The following ME3 variants were observed in gnomAD, a reference collection of about 807,000 sequenced individuals.
ME3 encodes malic enzyme 3.
A neutral mutation model predicts 68.9 loss-of-function variants in ME3; 48 were observed. The observed-to-expected ratio is 0.70, with a 90% CI of 0.55 to 0.89. The LOEUF is 0.89. Among genes scored for constraint, ME3 ranks in the 40% least tolerant of loss-of-function variants. The pLI is 0.00. For synonymous variants in ME3, 320 were observed against 318.8 expected, an observed-to-expected ratio of 1.00 and a Z score of -0.04; for missense variants, 675 against 797.4, an observed-to-expected ratio of 0.85 and a Z score of 1.85.
chr11:86,609,969 C>T (rs1303748962), intron 2 of ME3, among the ~76,000 whole-genome samples: 1 of 152,146 alleles, frequency 6.6e-6, no homozygotes, highest in Non-Finnish European at 1.5e-5. Flanking sequence ...ATTTGTTAAC[C>T]CATTTAGTCC....
intron 2 of ME3, among the ~76,000 whole-genome samples, chr11:86,636,127 G>T (rs1944318285): frequency 6.6e-6 from 1 of 152,172 alleles, no homozygotes; most frequent in Non-Finnish European, 1.5e-5. Flanking sequence ...GGGGTTGTAG[G>T]AATTGGAGGC....
At chr11:86,513,606 G>C (rs1217724483) in intron 4 of ME3, among the ~76,000 whole-genome samples, 2 of 152,194 alleles carry the variant, frequency 1.3e-5, no homozygotes, top group Non-Finnish European at 2.9e-5. Flanking sequence ...CAGACACCTA[G>C]AGGTGGGAAT....
rs746552624 is a variant in ME3, at chr11:86,450,330, GA to G, written c.987del (p.His330ThrfsTer23). 6.2e-7 allele frequency: 1 copy of G among 1,614,136 alleles called. No individual in the cohort carries two copies. Among genetic ancestry groups the G allele is most frequent in the East Asian group, 2.2e-5 (1 of 44,862 alleles). ...CCTGCACCTTGGAAAACAAACACGT[GA>G]TTGGAAAGCTTGTTCTTGGTGATTC... On this transcript the variant is annotated frameshift_variant, in exon 9 of 15. Coordinates refer to ENST00000543262, the Ensembl canonical transcript of ME3. LOFTEE classifies it high-confidence loss of function.
intron 2 of ME3, among the ~76,000 whole-genome samples, chr11:86,669,474 C>G (rs112568887): frequency 6.6e-6 from 1 of 152,072 alleles, no homozygotes; most frequent in African/African-American, 2.4e-5. Context: ...AAGAAACTTA[C>G]AATCATGGCG....
chr11:86,487,295 C>A, intron 7 of ME3, 42 bp downstream of exon 7: 1 of 1,545,796 alleles, frequency 6.5e-7, no homozygotes, highest in South Asian at 1.1e-5. Flanking sequence ...CACGGCATCT[C>A]TTAAAAGTCC....
chr11:86,508,684 G>A, intron 5 of ME3, 108 bp downstream of exon 5: 1 of 985,506 alleles, frequency 1.0e-6, no homozygotes, highest in Non-Finnish European at 1.6e-6. Flanking sequence ...GAGGTAGTAT[G>A]CTGCCTTCAG....
intron 2 of ME3, among the ~76,000 whole-genome samples, chr11:86,577,861 G>A (rs77381564): frequency 2.6e-5 from 4 of 152,322 alleles, no homozygotes; most frequent in African/African-American, 9.6e-5. Flanking sequence ...TTTATAGGAG[G>A]AAATATCTAG....
rs112767083 is a variant in ME3, at chr11:86,620,421, G to A, written c.183+51341C>T. On this transcript the variant is annotated intron_variant, in intron 2 of 14. Transcript: ENST00000543262. ...AAGACATCAGTGATCACTGCTAGCT[G>A]TTGTCACATTGCCTCCTTTTAGGGT... 5.3e-3 allele frequency among the ~76,000 whole-genome samples: 807 copies of A among 152,300 alleles called. 3 individuals carry two copies. Among genetic ancestry groups the A allele is most frequent in the African/African-American group, 0.018 (753 of 41,556 alleles).
chr11:86,459,859 A>G (rs570974194), intron 8 of ME3, among the ~76,000 whole-genome samples: 1 of 152,318 alleles, frequency 6.6e-6, no homozygotes, highest in East Asian at 1.9e-4. Flanking sequence ...GGATTGGTGG[A>G]CAATGCAGGT....
intron 1 of ME3, 122 bp from the exon 2 acceptor site, chr11:86,672,080 G>A: frequency 3.7e-6 from 3 of 815,270 alleles, no homozygotes; most frequent in Non-Finnish European, 5.1e-6. Flanking sequence ...TGCTCCCAAA[G>A]GGTTAAATGT....
In ME3 at chr11:86,459,916, A is replaced by G. The variant is rs530030442; in HGVS notation, c.919+5175T>C. Among the ~76,000 whole-genome samples, 6 of 152,240 alleles carry G rather than the reference A, an allele frequency of 3.9e-5. No individual in the cohort carries two copies. In the South Asian group the frequency reaches 1.2e-3, roughly 32 times the overall value. ...GAGGAAGCTGCAGAGCTGATGAGCC[A>G]GTGGGGCTTTCCTGGCTCCAGCCAT... On this transcript the variant is annotated intron_variant, in intron 8 of 14. Transcript: ENST00000543262.
At chr11:86,446,174 G>T in intron 13 of ME3, 140 bp downstream of exon 13, 1 of 933,924 alleles carries the variant, frequency 1.1e-6, no homozygotes, top group Non-Finnish European at 1.6e-6. Context: ...CATGAGAGAT[G>T]CTTGAGGTTT....
chr11:86,654,668 C>T (rs1038908789), intron 2 of ME3, among the ~76,000 whole-genome samples: 12 of 152,144 alleles, frequency 7.9e-5, no homozygotes, highest in African/African-American at 1.2e-4. Context: ...CTGGAAGCAT[C>T]CCCTTTGAAA....
chr11:86,632,471 G>A (rs770183754), intron 2 of ME3, among the ~76,000 whole-genome samples: 20 of 152,150 alleles, frequency 1.3e-4, no homozygotes, highest in Non-Finnish European at 1.2e-4. Flanking sequence ...CTTTAGCAGG[G>A]TTTCCTGAAA....
At chr11:86,520,601 C>T (rs1954203436) in intron 4 of ME3, among the ~76,000 whole-genome samples, 2 of 152,100 alleles carry the variant, frequency 1.3e-5, no homozygotes, top group South Asian at 4.1e-4. Context: ...TTCTAGGGCC[C>T]CTTGGCCCTG....
chr11:86,560,742 G>GTATATATATATATATATATA (rs1201892920), intron 2 of ME3, among the ~76,000 whole-genome samples: 28 of 58,264 alleles, frequency 4.8e-4, no homozygotes, highest in Non-Finnish European at 8.1e-4. Flanking sequence ...GTGTGTGTGT[G>GTATATATATATATATATATA]TGTGTGTATA....
intron 2 of ME3, among the ~76,000 whole-genome samples, chr11:86,665,548 C>A (rs1490748436): frequency 6.6e-6 from 1 of 151,872 alleles, no homozygotes; most frequent in Non-Finnish European, 1.5e-5. Context: ...TAGAGAGCAT[C>A]AATATGAAAG....
chr11:86,544,345 A>G (rs555213440), intron 4 of ME3, among the ~76,000 whole-genome samples: 23 of 152,326 alleles, frequency 1.5e-4, no homozygotes, highest in African/African-American at 5.3e-4. Context: ...AAAAAATTCA[A>G]AAAAATCAAT....
intron 7 of ME3, among the ~76,000 whole-genome samples, chr11:86,483,198 G>A (rs867563435): frequency 6.6e-6 from 1 of 152,166 alleles, no homozygotes; most frequent in African/African-American, 2.4e-5. Context: ...AACCTTTAGG[G>A]TAGCCGTCCA....
Sources: gnomAD v4.1 joint callset for allele counts (sites outside exome capture counted in the v4.1 genomes callset) on GRCh38, gnomAD v4.1.1 for gene constraint, MANE v1.5 for transcripts, NCBI Gene and HGNC (gene_info 2026-07-23, HGNC 2026-07-21) for gene names.